Variants in MPP3 observed in about 807,000 individuals in gnomAD.
MPP3 encodes MAGUK p55 subfamily member 3.
Under a neutral mutation model 80.7 loss-of-function variants are expected in MPP3, and 48 were observed. The observed-to-expected ratio is 0.59, with a 90% CI of 0.47 to 0.76. The LOEUF (loss-of-function observed/expected upper bound fraction) is 0.76, where lower values mean the gene tolerates loss of function less well. MPP3 is among the 30% of genes least tolerant of loss of function. The pLI is 0.00. For missense variants in MPP3, 620 were observed against 763.0 expected, an observed-to-expected ratio of 0.81 and a Z score of 2.21; for synonymous variants, 311 against 297.6, an observed-to-expected ratio of 1.04 and a Z score of -0.46.
intron 11 of MPP3, among the ~76,000 whole-genome samples, chr17:43,820,333 G>A (rs116977387): frequency 0.019 from 2,921 of 152,150 alleles, 44 homozygotes; most frequent in Non-Finnish European, 0.03. Flanking sequence ...GGATCCAGTG[G>A]CTCATGCCTG....
In MPP3 at chr17:43,829,187, C is replaced by T. The variant is rs369563746; in HGVS notation, c.441+467G>A. 6.1e-4 allele frequency among the ~76,000 whole-genome samples: 93 copies of T among 152,258 alleles called. 2 individuals carry two copies. In the South Asian group the frequency reaches 0.018, roughly 30 times the overall value. ...AACATTCAGAGCAGGCATTGTCACA[C>T]GTTTTCTATAAGGGGCCACATGTAA... On this transcript the variant is annotated intron_variant, in intron 7 of 19. Coordinates refer to ENST00000398389, the MANE Select transcript of MPP3 (RefSeq NM_001932.6).
intron 14 of MPP3, 101 bp from the exon 15 acceptor site, chr17:43,814,462 T>C: frequency 1.1e-5 from 14 of 1,222,290 alleles, no homozygotes; most frequent in Non-Finnish European, 1.6e-5. Flanking sequence ...GAGATGGGAC[T>C]GAGTCCCACT....
chr17:43,824,753 CAG>C (rs1347571598), intron 9 of MPP3, among the ~76,000 whole-genome samples: 2 of 152,178 alleles, frequency 1.3e-5, no homozygotes, highest in African/African-American at 4.8e-5. Context: ...GCATCCTCTA[CAG>C]AGAGGGCTTT....
In MPP3 at chr17:43,801,708, A is replaced by G; in HGVS notation, c.1751T>C (p.Val584Ala). The G allele has an allele frequency of 6.2e-7, 1 of 1,614,038 alleles. No homozygotes were observed. The highest frequency in any genetic ancestry group is 8.5e-7 in the Non-Finnish European group (1 of 1,179,958). The change falls in exon 20 of 20, where the codon GTC becomes GCC. Residue 584 changes from valine to alanine, a missense_variant. Val to Ala is a moderately conservative substitution (Grantham distance 64). Transcript: ENST00000398389. The stretch of plus-strand genomic sequence containing the variant: ...GGATGTTCTGGGATAAAGTTACCTG[A>G]CCCAACTAACAGGTACCCAGTGAGT... ...KDTHWVPVSW[V>A]R
chr17:43,808,815 A>T, intron 19 of MPP3, 141 bp downstream of exon 19: 2 of 993,712 alleles, frequency 2.0e-6, no homozygotes, highest in Non-Finnish European at 2.8e-6. Context: ...GTTTTTCAAT[A>T]GGCAAAATGG....
At position 43,814,100 on chromosome 17, in the gene MPP3, CAAG is replaced by C. The variant is rs762359787; in HGVS notation, c.1175-12_1175-10del. The C allele has an allele frequency of 1.9e-5, 31 of 1,610,192 alleles. No individual in the cohort carries two copies. Among genetic ancestry groups the C allele is most frequent in the Admixed American group, 8.4e-5 (5 of 59,684 alleles). ...TCGGGCTCCCAGAGACCCTGGGAAA[CAAG>C]AAGAAGGCTGACCAGGGTCCCTGCT... is the stretch of plus-strand genomic sequence containing the variant. On this transcript the variant is annotated splice_polypyrimidine_tract_variant and intron_variant, in intron 15 of 19. Coordinates refer to ENST00000398389, the MANE Select transcript of MPP3 (RefSeq NM_001932.6).
At chr17:43,821,594 T>C (rs550032683) in intron 10 of MPP3, among the ~76,000 whole-genome samples, 2 of 152,296 alleles carry the variant, frequency 1.3e-5, no homozygotes, top group South Asian at 4.1e-4. Flanking sequence ...TACGGCTCAA[T>C]CCTGCCTCGT....
At chr17:43,804,616 T>C (rs892728217) in intron 19 of MPP3, among the ~76,000 whole-genome samples, 1 of 152,232 alleles carries the variant, frequency 6.6e-6, no homozygotes, top group African/African-American at 2.4e-5. Flanking sequence ...TAAATCTTTA[T>C]GGCCTTGGAT....
intron 2 of MPP3, 147 bp from the exon 3 acceptor site, chr17:43,832,090 G>A (rs2045993141): frequency 1.5e-6 from 1 of 658,786 alleles, no homozygotes; most frequent in African/African-American, 1.8e-5. Context: ...TTTCAGAGAG[G>A]AAGGAAATAA....
At chr17:43,824,916 A>C (rs2045627801) in intron 9 of MPP3, 1 of 152,394 alleles carries the variant, frequency 6.6e-6, no homozygotes, top group Non-Finnish European at 1.5e-5. Flanking sequence ...CTGGGATTAC[A>C]GGGGCCCACA....
intron 9 of MPP3, 177 bp downstream of exon 9, chr17:43,825,579 T>C: frequency 1.8e-6 from 1 of 568,566 alleles, no homozygotes; most frequent in South Asian, 2.2e-5. Flanking sequence ...GTTCCCCTCC[T>C]CCTGCTGCCA....
chr17:43,827,884 G>A (rs1203673368), intron 7 of MPP3, 52 bp from the exon 8 acceptor site: 1 of 1,564,152 alleles, frequency 6.4e-7, no homozygotes, highest in Admixed American at 1.7e-5. Flanking sequence ...CCAAACCTCA[G>A]ACCCCTACTC....
At chr17:43,804,782 C>T (rs889598231) in intron 19 of MPP3, among the ~76,000 whole-genome samples, 9 of 152,050 alleles carry the variant, frequency 5.9e-5, no homozygotes, top group African/African-American at 1.9e-4. Context: ...TTTGGGAGGC[C>T]GAGGCAGGTG....
At chr17:43,805,070 A>G (rs557443434) in intron 19 of MPP3, among the ~76,000 whole-genome samples, 5 of 152,312 alleles carry the variant, frequency 3.3e-5, no homozygotes, top group African/African-American at 1.2e-4. Flanking sequence ...ATATTTGCAA[A>G]TCATGCATCT....
rs1424043434 is a variant in MPP3 at position 43,831,333 on chromosome 17, G to C, written c.145-12C>G. On this transcript the variant is annotated splice_polypyrimidine_tract_variant and intron_variant, in intron 4 of 19. Coordinates refer to ENST00000398389, the MANE Select transcript of MPP3 (RefSeq NM_001932.6). ...AGCTTCTCATGAATCTGCAAAGACA[G>C]AGTATTTCAGATGCACCCTGGACAC... The C allele has an allele frequency of 1.4e-5, 22 of 1,613,332 alleles. No homozygotes were observed. Among genetic ancestry groups the C allele is most frequent in the Non-Finnish European group, 1.7e-5 (20 of 1,179,404 alleles).
intron 9 of MPP3, 181 bp downstream of exon 9, chr17:43,825,575 C>T: frequency 3.5e-6 from 2 of 565,330 alleles, no homozygotes; most frequent in Non-Finnish European, 6.4e-6. Flanking sequence ...GGAAGTTCCC[C>T]TCCTCCTGCT....
chr17:43,813,845 G>A (rs1348260823), intron 16 of MPP3, among the ~76,000 whole-genome samples, 166 bp downstream of exon 16: 1 of 152,176 alleles, frequency 6.6e-6, no homozygotes, highest in Non-Finnish European at 1.5e-5. Context: ...CACTGGGAGT[G>A]GATTTCTTCC....
intron 11 of MPP3, among the ~76,000 whole-genome samples, chr17:43,820,148 T>C (rs1034272775): frequency 6.6e-6 from 1 of 152,148 alleles, no homozygotes; most frequent in African/African-American, 2.4e-5. Context: ...TCTTACTATG[T>C]TGCCTAGGCT....
At chr17:43,825,378 C>T (rs1259972167) in intron 9 of MPP3, 1 of 179,184 alleles carries the variant, frequency 5.6e-6, no homozygotes, top group East Asian at 1.5e-4. Flanking sequence ...AACTCTATCC[C>T]AACGTTAAAG....
Sources: allele counts gnomAD v4.1 joint callset (sites outside exome capture counted in the v4.1 genomes callset), GRCh38; gene constraint gnomAD v4.1.1; transcripts MANE v1.5; gene names NCBI Gene and HGNC (gene_info 2026-07-23, HGNC 2026-07-21).